The following IGF2BP2 variants were observed in gnomAD, a reference collection of about 807,000 sequenced individuals.
The protein encoded by IGF2BP2 is insulin-like growth factor 2 mRNA-binding protein 2.
A neutral mutation model predicts 75.8 loss-of-function variants in IGF2BP2; 17 were observed. The observed-to-expected ratio is 0.22, with a 90% CI of 0.15 to 0.34. The LOEUF is 0.34. IGF2BP2 is among the 10% of genes least tolerant of loss of function. IGF2BP2 has a pLI of 1.00. For missense variants in IGF2BP2, 516 were observed against 772.4 expected (o/e 0.67, Z 3.93); for synonymous variants, 288 against 295.6 (o/e 0.97, Z 0.26).
intron 4 of IGF2BP2, chr3:185,693,181 G>T (rs1053435966): frequency 1.3e-5 from 2 of 154,970 alleles, no homozygotes; most frequent in African/African-American, 4.8e-5. Flanking sequence ...AATCACCTTT[G>T]TTGCAAACAT....
At chr3:185,823,826 G>A (rs1361607476) in intron 1 of IGF2BP2, among the ~76,000 whole-genome samples, 1 of 151,854 alleles carries the variant, frequency 6.6e-6, no homozygotes, top group African/African-American at 2.4e-5. Context: ...GGCTGGGAGC[G>A]GAGCGTGTGC....
chr3:185,765,389 A>G (rs994398330), intron 2 of IGF2BP2, among the ~76,000 whole-genome samples: 7 of 152,230 alleles, frequency 4.6e-5, no homozygotes, highest in Non-Finnish European at 1.0e-4. Context: ...AAGACAGCTC[A>G]CAGCCTCACC....
At chr3:185,757,459 CTTTTTT>C (rs57417087) in intron 2 of IGF2BP2, among the ~76,000 whole-genome samples, 4 of 99,610 alleles carry the variant, frequency 4.0e-5, no homozygotes, top group Non-Finnish European at 7.7e-5. Flanking sequence ...ATATCTCATA[CTTTTTT>C]TTTTTTTTTT....
intron 2 of IGF2BP2, among the ~76,000 whole-genome samples, chr3:185,713,762 G>A (rs548670795): frequency 5.3e-5 from 8 of 152,086 alleles, no homozygotes; most frequent in Non-Finnish European, 1.0e-4. Flanking sequence ...GTGCAGTGGC[G>A]CAATCTCAGC....
rs1741828443 is a variant in IGF2BP2, at chr3:185,824,822, C to T, written c.139G>A (p.Asp47Asn). 1 of 1,519,102 alleles carries T rather than the reference C, an allele frequency of 6.6e-7. No individual in the cohort carries two copies. Among genetic ancestry groups the T allele is most frequent in the East Asian group, 2.7e-5 (1 of 37,672 alleles). 94.1% of individuals were successfully genotyped at this position (1,519,102 alleles called of 1,614,324 possible). ...KSGYAFVDYP[D>N]QNWAIRAIET... ...ATGGCGCGGATGGCCCAGTTCTGGT[C>T]GGGGTAGTCCACGAAGGCGTAGCCG... The change falls in exon 1 of 16, where the codon GAC (aspartate) becomes AAC (asparagine). Residue 47 changes from aspartate to asparagine, a missense_variant. Coordinates refer to ENST00000382199, the MANE Select transcript of IGF2BP2 (RefSeq NM_006548.6).
At chr3:185,689,765 G>A (rs1207664237) in intron 5 of IGF2BP2, 138 bp from the exon 6 acceptor site, 19 of 904,640 alleles carry the variant, frequency 2.1e-5, no homozygotes, top group African/African-American at 1.0e-4. Context: ...TCAGGAGATC[G>A]AGACCATCCC....
At position 185,689,543 on chromosome 3, in the gene IGF2BP2, A is replaced by T; in HGVS notation, c.489T>A (p.Pro163=). The T allele has an allele frequency of 6.2e-7, 1 of 1,614,252 alleles. No individual in the cohort carries two copies. The highest frequency in any genetic ancestry group is 8.5e-7 in the Non-Finnish European group (1 of 1,180,038). ...SYIPDEEVSS[P]SPPQRAQRGD... ...CACGCTGGGCTCGCTGAGGGGGCGA[A>T]GGGGAGCTCACCTCTTCATCCGGGA... is the stretch of plus-strand genomic sequence containing the variant. The change falls in exon 6 of 16, where the codon CCT becomes CCA. Residue 163 remains proline, a synonymous_variant. Coordinates refer to ENST00000382199, the MANE Select transcript of IGF2BP2 (RefSeq NM_006548.6).
At chr3:185,747,688 T>C (rs1310932456) in intron 2 of IGF2BP2, among the ~76,000 whole-genome samples, 1 of 151,838 alleles carries the variant, frequency 6.6e-6, no homozygotes, top group African/African-American at 2.4e-5. Context: ...CAAAAATAAA[T>C]AAATAAATAA....
chr3:185,713,691 T>C (rs1176740087), intron 2 of IGF2BP2, among the ~76,000 whole-genome samples: 1 of 152,190 alleles, frequency 6.6e-6, no homozygotes, highest in Non-Finnish European at 1.5e-5. Flanking sequence ...TAGAAGTAAG[T>C]GCTACATACT....
chr3:185,679,182 T>G (rs545699025), intron 7 of IGF2BP2, among the ~76,000 whole-genome samples: 1 of 152,202 alleles, frequency 6.6e-6, no homozygotes, highest in Non-Finnish European at 1.5e-5. Context: ...AGCTTTTTTG[T>G]CCCTTCTTTC....
chr3:185,823,031 TAACAAAACA>T, intron 2 of IGF2BP2, 113 bp downstream of exon 2: 3 of 601,264 alleles, frequency 5.0e-6, no homozygotes, highest in Non-Finnish European at 8.6e-6. Context: ...GTATCTCCAC[TAACAAAACA>T]AACAAAAGCC....
chr3:185,771,323 C>T (rs1028119478), intron 2 of IGF2BP2, among the ~76,000 whole-genome samples: 1 of 150,528 alleles, frequency 6.6e-6, no homozygotes, highest in Non-Finnish European at 1.5e-5. Context: ...CGCCTATAAT[C>T]CCAGCTACTT....
At position 185,672,477 on chromosome 3, in the gene IGF2BP2, G is replaced by A. The variant is rs1718663057; in HGVS notation, c.1200+64C>T. The A allele has an allele frequency of 3.3e-6, 5 of 1,530,070 alleles. No individual in the cohort carries two copies. The African/African-American group carries it at 6.8e-5, about 21-fold the overall frequency. The allele number at this position is 1,530,070 out of a possible 1,614,324, so 94.8% of individuals were successfully genotyped here. A position where few individuals can be genotyped will look rare whatever the true frequency, so the allele number is the denominator to read the frequency against. On this transcript the variant is annotated intron_variant, in intron 10 of 15. Transcript: ENST00000382199. ...GCTTCCGTTCTGATTCCACACAGCAGAGGCATGCTGCTGCCTGGAGGTGCC... is the reference window on the plus strand; with the variant it reads ...GCTTCCGTTCTGATTCCACACAGCAAAGGCATGCTGCTGCCTGGAGGTGCC...
At chr3:185,821,111 T>A (rs1407426390) in intron 2 of IGF2BP2, 2 of 1,525,618 alleles carry the variant, frequency 1.3e-6, no homozygotes. Context: ...TACCGGTCAT[T>A]AGCTATCTCT....
chr3:185,771,385 G>A (rs1733854492), intron 2 of IGF2BP2, among the ~76,000 whole-genome samples: 1 of 151,562 alleles, frequency 6.6e-6, no homozygotes, highest in East Asian at 1.9e-4. Context: ...AGTTGCAGTG[G>A]GCTGAGATTG....
chr3:185,821,070 T>G (rs1262383394), intron 2 of IGF2BP2: 3 of 1,535,290 alleles, frequency 2.0e-6, no homozygotes, highest in Non-Finnish European at 8.7e-7. Flanking sequence ...ATACAGCTGC[T>G]TCATCCCTGA....
At chr3:185,675,604 G>T (rs1212483306) in intron 8 of IGF2BP2, among the ~76,000 whole-genome samples, 173 bp from the exon 9 acceptor site, 1 of 152,172 alleles carries the variant, frequency 6.6e-6, no homozygotes, top group East Asian at 1.9e-4. Context: ...CAGTGATTTA[G>T]ATCACATCCA....
chr3:185,748,677 TC>T (rs1018096016), intron 2 of IGF2BP2, among the ~76,000 whole-genome samples: 1 of 152,310 alleles, frequency 6.6e-6, no homozygotes, highest in African/African-American at 2.4e-5. Flanking sequence ...GGCAACCCTG[TC>T]CCAGAAAATC....
chr3:185,728,635 T>C (rs1028001408), intron 2 of IGF2BP2: 3 of 152,340 alleles, frequency 2.0e-5, no homozygotes, highest in South Asian at 2.1e-4. Context: ...GGTTTAACTA[T>C]TGAACAGATT....
Sources: allele counts gnomAD v4.1 joint callset (sites outside exome capture counted in the v4.1 genomes callset), GRCh38; gene constraint gnomAD v4.1.1; transcripts MANE v1.5; gene names NCBI Gene and HGNC (gene_info 2026-07-23, HGNC 2026-07-21).